The following LILRB5 variants were observed in gnomAD, a reference collection of about 807,000 sequenced individuals.
LILRB5 encodes the protein leukocyte immunoglobulin-like receptor subfamily B member 5.
LILRB5 carries 61 observed loss-of-function variants against 68.4 expected under a neutral mutation model. That is an observed-to-expected ratio of 0.89 (90% CI 0.73 to 1.10). LILRB5 has a LOEUF of 1.10. LILRB5 is among the 50% of genes least tolerant of loss of function. The probability of loss-of-function intolerance (pLI) is 0.00; values close to 1 mark genes in which losing one functional copy is unlikely to be tolerated. For synonymous variants in LILRB5, 356 were observed against 315.8 expected, an observed-to-expected ratio of 1.13 and a Z score of -1.35; for missense variants, 771 against 751.6, an observed-to-expected ratio of 1.03 and a Z score of -0.30.
rs755287311 is a variant in LILRB5 at position 54,254,477 on chromosome 19, C to T, written c.1256-62G>A. 1.5e-5 allele frequency: 22 copies of T among 1,508,510 alleles called. No homozygotes were observed. The highest frequency in any genetic ancestry group is 1.7e-4 in the Middle Eastern group (1 of 5,802). The allele number at this position is 1,508,510 out of a possible 1,614,324, so 93.4% of individuals were successfully genotyped here. On this transcript the variant is annotated intron_variant, in intron 6 of 12. Transcript: ENST00000449561. ...GTGCTGAGTGAGGAAACCCGTCCCT[C>T]CACCTGCCCGTGGCTTCTCTGGAAA...
chr19:54,252,160 C>G (rs2078978193), intron 11 of LILRB5, 54 bp from the exon 12 acceptor site: 1 of 1,596,296 alleles, frequency 6.3e-7, no homozygotes, highest in Non-Finnish European at 8.6e-7. Flanking sequence ...TGAGACTTCT[C>G]CGTCCTGCCA....
Position 54,254,861 on chromosome 19 carries a change from G to C in LILRB5, c.1129C>G (p.Gln377Glu). The C allele has an allele frequency of 6.2e-7, 1 of 1,614,130 alleles. No individual in the cohort carries two copies. The highest frequency in any genetic ancestry group is 1.3e-5 in the African/African-American group (1 of 75,030). The change falls in exon 6 of 13, where the codon CAG becomes GAG. Residue 377 changes from glutamine (Q) to glutamate (E), a missense_variant. Gln to Glu is a conservative substitution (Grantham distance 29). Coordinates refer to ENST00000449561, the MANE Select transcript of LILRB5 (RefSeq NM_001081442.3). ...LKSKYQSYRH[Q>E]AEFSMSPVTS... Reference sequence around the variant, plus strand: ...ACAGGACTCATGGAGAATTCAGCCTGGTGTCTATAAGACTGGTACTTTGAC... The same window carrying C: ...ACAGGACTCATGGAGAATTCAGCCTCGTGTCTATAAGACTGGTACTTTGAC...
chr19:54,252,131 A>G (rs417523), intron 11 of LILRB5, 25 bp from the exon 12 acceptor site: 318,176 of 1,612,764 alleles, frequency 0.2, 32,664 homozygotes, highest in African/African-American at 0.24. Flanking sequence ...CAAGGGGTTC[A>G]TCTCCTGGGA....
rs543673800 is a variant in LILRB5 at position 54,251,768 on chromosome 19, C to G, written c.1629+286G>C. 183 of 666,714 alleles carry G rather than the reference C, an allele frequency of 2.7e-4. No homozygotes were observed. In the East Asian group the frequency reaches 4.4e-3, roughly 16 times the overall value. The allele number at this position is 666,714 out of a possible 1,614,324, so 41.3% of individuals were successfully genotyped here. A position where few individuals can be genotyped will look rare whatever the true frequency, so the allele number is the denominator to read the frequency against. The stretch of plus-strand genomic sequence containing the variant: ...ATGAATGAAGGGGAGCCTGGGGGAC[C>G]GGGTCGGTTCATTTATTCCTCATCC... On this transcript the variant is annotated intron_variant, in intron 12 of 12. Coordinates refer to ENST00000449561, the MANE Select transcript of LILRB5 (RefSeq NM_001081442.3).
intron 6 of LILRB5, 57 bp from the exon 7 acceptor site, chr19:54,254,472 TC>T (rs1477443932): frequency 1.3e-6 from 2 of 1,515,242 alleles, no homozygotes; most frequent in Non-Finnish European, 8.9e-7. Flanking sequence ...AGGAAACCCG[TC>T]CCTCCACCTG....
At position 54,256,115 on chromosome 19, in the gene LILRB5, A is replaced by G. The variant is rs754420805; in HGVS notation, c.583T>C (p.Cys195Arg). The change falls in exon 4 of 13, where the codon TGC (cysteine) becomes CGC (arginine). Residue 195 changes from cysteine (C) to arginine (R), a missense_variant. By Grantham distance (180) the Cys-to-Arg change is radical (BLOSUM62 -3). Coordinates refer to ENST00000449561, the MANE Select transcript of LILRB5 (RefSeq NM_001081442.3). ...GGGTTTTTCCTGTAATAGTAATAGC[A>G]TCTGAACCTCCACCTGCAGCTGGGG... ...VTPSCRWRFRCYYYYRKNPQV... is the reference protein window; with the variant it reads ...VTPSCRWRFRRYYYYRKNPQV... 5 of 1,607,420 alleles carry G rather than the reference A, an allele frequency of 3.1e-6. No individual in the cohort carries two copies. Among genetic ancestry groups the G allele is most frequent in the Non-Finnish European group, 4.2e-6 (5 of 1,177,244 alleles).
intron 11 of LILRB5, 74 bp downstream of exon 11, chr19:54,252,292 T>C (rs45446093): frequency 0.16 from 239,238 of 1,492,990 alleles, 19,904 homozygotes; most frequent in Middle Eastern, 0.19. Context: ...CAGCCTGTGC[T>C]CCTGCCCCCA....
rs773967459 is a variant in LILRB5 at position 54,252,873 on chromosome 19, G to A, written c.1472C>T (p.Ser491Leu). 4.4e-5 allele frequency: 70 copies of A among 1,603,296 alleles called. No individual in the cohort carries two copies. Among genetic ancestry groups the A allele is most frequent in the African/African-American group, 8.0e-5 (6 of 74,682 alleles). Reference sequence around the variant, plus strand: ...GGGTTCCCCCATTCCCTACTCACCCGATGTCCTGTGTTTGCTCTGATGCCG... The same window carrying A: ...GGGTTCCCCCATTCCCTACTCACCCAATGTCCTGTGTTTGCTCTGATGCCG... ...RHRHQSKHRT[S>L]AHFYRPAGAA... Residue 491 changes from serine to leucine, a missense_variant and splice_region_variant, in exon 9 of 13, where the codon TCG (serine) becomes TTG (leucine). Ser to Leu is a moderately radical substitution (Grantham distance 145). Coordinates refer to ENST00000449561, the MANE Select transcript of LILRB5 (RefSeq NM_001081442.3).
At position 54,257,001 on chromosome 19, in the gene LILRB5, AAG is replaced by A; in HGVS notation, c.35-7_35-6del. 1 of 1,614,186 alleles carries A rather than the reference AAG, an allele frequency of 6.2e-7. No homozygotes were observed. Among genetic ancestry groups the A allele is most frequent in the Non-Finnish European group, 8.5e-7 (1 of 1,180,016 alleles). ...TCCTGGGGCCCACACTCAGCCCTGG[AAG>A]AGAGTTCCCTGTGAGGGATTTGCCC... On this transcript the variant is annotated splice_polypyrimidine_tract_variant and splice_region_variant and intron_variant, in intron 1 of 12. Transcript: ENST00000449561.
intron 8 of LILRB5, chr19:54,253,773 C>A: frequency 7.2e-7 from 1 of 1,392,224 alleles, no homozygotes; most frequent in Non-Finnish European, 9.8e-7. Context: ...CCTGAATGCC[C>A]CAAACCACGG....
chr19:54,249,768 C>A lies in LILRB5; in HGVS notation c.*1018G>T, dbSNP rs2078889542. ...AATGTATGGGCTGGACGTGGTGGCT[C>A]ACGCCTGTAAGCCCAGCACTTTGGG... On this transcript the variant is annotated 3_prime_UTR_variant, in exon 13 of 13. Transcript: ENST00000449561. The A allele has an allele frequency of 6.6e-6, 1 of 152,246 alleles. No homozygotes were observed. Among genetic ancestry groups the A allele is most frequent in the Non-Finnish European group, 1.5e-5 (1 of 68,094 alleles). The allele number at this position is 152,246 out of a possible 1,614,324, so 9.4% of individuals were successfully genotyped here. A position where few individuals can be genotyped will look rare whatever the true frequency, so the allele number is the denominator to read the frequency against.
intron 8 of LILRB5, 109 bp downstream of exon 8, chr19:54,253,909 G>A (rs1024363584): frequency 6.5e-7 from 1 of 1,542,826 alleles, no homozygotes; most frequent in South Asian, 1.2e-5. Flanking sequence ...CCCAGGCAGG[G>A]GAAGGGCTTG....
intron 8 of LILRB5, 41 bp downstream of exon 8, chr19:54,253,977 C>A: frequency 6.4e-7 from 1 of 1,565,686 alleles, no homozygotes; most frequent in East Asian, 2.4e-5. Flanking sequence ...CCCTGCCTCC[C>A]CTGGTCTCCG....
Position 54,252,055 on chromosome 19 carries a change from G to T in LILRB5, c.1628C>A (p.Pro543Gln), listed in dbSNP as rs76522818. ...QPKDGVEMDA[P>Q]AAASEAPQDV... ...CCCGGGACAGGGGCGGGGCCTCACC[G>T]GAGCATCCATCTCCACCCCGTCCTT... Residue 543 changes from proline (P) to glutamine (Q), a missense_variant and splice_region_variant, in exon 12 of 13, where the codon CCG (proline) becomes CAG (glutamine). Coordinates refer to ENST00000449561, the MANE Select transcript of LILRB5 (RefSeq NM_001081442.3). 1.1e-5 allele frequency: 17 copies of T among 1,613,538 alleles called. No homozygotes were observed. The highest frequency in any genetic ancestry group is 1.7e-4 in the Middle Eastern group (1 of 5,874).
chr19:54,255,850 G>A (rs1003560742), intron 4 of LILRB5, 193 bp downstream of exon 4: 5 of 651,200 alleles, frequency 7.7e-6, no homozygotes, highest in Non-Finnish European at 1.3e-5. Context: ...TTCCTGAGTC[G>A]ACCCCTTCCA....
chr19:54,256,956 C>T lies in LILRB5; in HGVS notation c.70+5G>A, dbSNP rs775144762. 1 of 1,614,210 alleles carries T rather than the reference C, an allele frequency of 6.2e-7. No individual in the cohort carries two copies. The highest frequency in any genetic ancestry group is 1.1e-5 in the South Asian group (1 of 91,088). ...GGGACCTGGGACAGCTGGGGACAGACTCACCTGCCTGCACGCAGGTCCTGG... is the reference window on the plus strand; with the variant it reads ...GGGACCTGGGACAGCTGGGGACAGATTCACCTGCCTGCACGCAGGTCCTGG... On this transcript the variant is annotated splice_donor_5th_base_variant and intron_variant, in intron 2 of 12. Transcript: ENST00000449561.
Position 54,252,973 on chromosome 19 carries a change from G to A in LILRB5, c.1372C>T (p.Leu458=), listed in dbSNP as rs373057321. The change falls in exon 9 of 13, where the codon CTG becomes TTG. Residue 458 remains leucine, a synonymous_variant. Coordinates refer to ENST00000449561, the MANE Select transcript of LILRB5 (RefSeq NM_001081442.3). ...ACTGAGACCCCAGTCACAACCCCCA[G>A]GTGCCTTCCCAGACCTTGAGCGTGA... ...LDPQSGLGRH[L]GVVTGVSVAF... is the part of the protein sequence containing the mutation. The A allele has an allele frequency of 1.2e-4, 193 of 1,567,470 alleles. No individual in the cohort carries two copies. The highest frequency in any genetic ancestry group is 1.7e-4 in the Middle Eastern group (1 of 5,848).
rs1327227764 is a variant in LILRB5 at position 54,256,140 on chromosome 19, G to C, written c.558C>G (p.Thr186=). 1 of 1,611,036 alleles carries C rather than the reference G, an allele frequency of 6.2e-7. No homozygotes were observed. The highest frequency in any genetic ancestry group is 8.5e-7 in the Non-Finnish European group (1 of 1,178,706). The stretch of plus-strand genomic sequence containing the variant: ...ATCTGAACCTCCACCTGCAGCTGGG[G>C]GTCACGGGACCCACAGGGAACAGGG... ...SQALFPVGPV[T]PSCRWRFRCY... Residue 186 remains threonine (T), a synonymous_variant, in exon 4 of 13, where the codon ACC becomes ACG. Coordinates refer to ENST00000449561, the MANE Select transcript of LILRB5 (RefSeq NM_001081442.3).
Position 54,255,594 on chromosome 19 carries a change from G to C in LILRB5, c.656-12C>G. 1 of 1,609,728 alleles carries C rather than the reference G, an allele frequency of 6.2e-7. No individual in the cohort carries two copies. The highest frequency in any genetic ancestry group is 1.3e-5 in the African/African-American group (1 of 74,950). Reference sequence around the variant, plus strand: ...CTTCCTAGACACGCCTGGAGGGAAAGAGGAATTGGGACTTGGAAGGCTGGT... The same window carrying C: ...CTTCCTAGACACGCCTGGAGGGAAACAGGAATTGGGACTTGGAAGGCTGGT... On this transcript the variant is annotated splice_polypyrimidine_tract_variant and intron_variant, in intron 4 of 12. Transcript: ENST00000449561.
Sources: gnomAD v4.1 joint callset for allele counts on GRCh38, gnomAD v4.1.1 for gene constraint, MANE v1.5 for transcripts, NCBI Gene and HGNC (gene_info 2026-07-23, HGNC 2026-07-21) for gene names.